SLC22A12: variants seen among roughly 807,000 people sequenced by gnomAD.
SLC22A12 encodes the protein organic anion transporter 4-like protein.
A neutral mutation model predicts 52.7 loss-of-function variants in SLC22A12; 56 were observed. That is an observed-to-expected ratio of 1.06 (90% CI 0.86 to 1.33). The LOEUF (loss-of-function observed/expected upper bound fraction) is 1.33, where lower values mean the gene tolerates loss of function less well. Ranked by LOEUF, SLC22A12 falls within the 40% of genes most tolerant of loss-of-function variation. The probability of loss-of-function intolerance (pLI) is 0.00; values close to 1 mark genes in which losing one functional copy is unlikely to be tolerated. For synonymous variants in SLC22A12, 337 were observed against 324.6 expected (o/e 1.04, Z -0.41); for missense variants, 683 against 741.5 (o/e 0.92, Z 0.92).
In SLC22A12 at chr11:64,591,890, G is replaced by T; in HGVS notation, c.334G>T (p.Asp112Tyr). 1 of 1,612,598 alleles carries T rather than the reference G, an allele frequency of 6.2e-7. No individual in the cohort carries two copies. The change falls in exon 1 of 10, where the codon GAC (aspartate) becomes TAC (tyrosine). Residue 112 changes from aspartate (D) to tyrosine (Y), a missense_variant. By Grantham distance (160) the Asp-to-Tyr change is radical. Coordinates refer to ENST00000377574, the MANE Select transcript of SLC22A12 (RefSeq NM_144585.4). ...CACGGCCACCAGCTGGAGCGAGGCCGACACGGAGCCGTGTGTGGATGGCTG... is the reference window on the plus strand; with the variant it reads ...CACGGCCACCAGCTGGAGCGAGGCCTACACGGAGCCGTGTGTGGATGGCTG... ...NATATSWSEADTEPCVDGWVY... is the reference protein window; with the variant it reads ...NATATSWSEAYTEPCVDGWVY...
chr11:64,600,980 G>A (rs1392546357), intron 9 of SLC22A12, 42 bp downstream of exon 9: 6 of 1,599,690 alleles, frequency 3.8e-6, no homozygotes, highest in Non-Finnish European at 5.1e-6. Context: ...CCTCCCACCA[G>A]AGAACCCTAG....
intron 4 of SLC22A12, among the ~76,000 whole-genome samples, chr11:64,594,853 GA>G (rs1335878388): frequency 6.7e-6 from 1 of 150,028 alleles, no homozygotes. Context: ...TGGACAGATG[GA>G]ATGGATGGAT....
chr11:64,596,284 A>T (rs1292397183), intron 4 of SLC22A12, among the ~76,000 whole-genome samples: 1 of 87,626 alleles, frequency 1.1e-5, no homozygotes, highest in Non-Finnish European at 2.5e-5. Context: ...GGATGGATGG[A>T]TGGATGGCTG....
rs1327320014 is a variant in SLC22A12 at position 64,592,894 on chromosome 11, C to A, written c.506+12C>A. On this transcript the variant is annotated intron_variant, in intron 2 of 9. Coordinates refer to ENST00000377574, the MANE Select transcript of SLC22A12 (RefSeq NM_144585.4). ...CCTGCCTCAGACAGGTGAGTACCCC[C>A]AGTCCAGGCAGGTCCCAGTTCCCCT... The A allele has an allele frequency of 1.2e-6, 2 of 1,608,816 alleles. No homozygotes were observed. The highest frequency in any genetic ancestry group is 1.7e-6 in the Non-Finnish European group (2 of 1,176,442).
In SLC22A12 at chr11:64,598,583, T is replaced by C. The variant is rs2039330742; in HGVS notation, c.898T>C (p.Trp300Arg). 6.2e-7 allele frequency: 1 copy of C among 1,608,636 alleles called. No individual in the cohort carries two copies. The highest frequency in any genetic ancestry group is 1.7e-5 in the Admixed American group (1 of 59,556). ...GRLDWGLQEL[W>R]RVAAINGKGA... ...GCTGGATTGGGGCCTGCAGGAGCTG[T>C]GGAGGGTGGCTGCCATCAACGGAAA... Residue 300 changes from tryptophan to arginine, a missense_variant, in exon 5 of 10, where the codon TGG becomes CGG. Trp to Arg is a moderately radical substitution (Grantham distance 101, BLOSUM62 -3). Coordinates refer to ENST00000377574, the MANE Select transcript of SLC22A12 (RefSeq NM_144585.4).
intron 4 of SLC22A12, among the ~76,000 whole-genome samples, chr11:64,595,597 G>C (rs1208711105): frequency 7.0e-6 from 1 of 142,682 alleles, no homozygotes; most frequent in Non-Finnish European, 1.5e-5. Flanking sequence ...AGGAGGGATG[G>C]ATGGATGGAT....
At chr11:64,597,487 C>T (rs76945158) in intron 4 of SLC22A12, among the ~76,000 whole-genome samples, 2,171 of 152,300 alleles carry the variant, frequency 0.014, 32 homozygotes, top group East Asian at 0.047. Flanking sequence ...CCTGAACTCA[C>T]CAGAGTCACA....
intron 4 of SLC22A12, 45 bp downstream of exon 4, chr11:64,593,848 A>G: frequency 6.3e-7 from 1 of 1,588,538 alleles, no homozygotes; most frequent in South Asian, 1.1e-5. Flanking sequence ...GATCCTGCCC[A>G]CTCTCCACCC....
intron 3 of SLC22A12, 28 bp downstream of exon 3, chr11:64,593,587 G>C (rs771943340): frequency 1.7e-5 from 28 of 1,614,014 alleles, no homozygotes; most frequent in Non-Finnish European, 2.2e-5. Context: ...CGCCATGCAG[G>C]GGGGCTCCAT....
chr11:64,599,653 G>T, intron 6 of SLC22A12, 23 bp from the exon 7 acceptor site: 1 of 661,112 alleles, frequency 1.5e-6, no homozygotes. Flanking sequence ...CCCCCACCCT[G>T]ACTTCCCTGA....
chr11:64,593,750 AC>A lies in SLC22A12; in HGVS notation c.778del (p.Leu260CysfsTer56). The A allele has an allele frequency of 6.2e-7, 1 of 1,613,026 alleles. No homozygotes were observed. The highest frequency in any genetic ancestry group is 8.5e-7 in the Non-Finnish European group (1 of 1,179,986). On this transcript the variant is annotated frameshift_variant, in exon 4 of 10. Coordinates refer to ENST00000377574, the MANE Select transcript of SLC22A12 (RefSeq NM_144585.4). LOFTEE classifies it high-confidence loss of function. The part of the protein sequence containing the change: ...AVAYGVRDWT[L>X]LQLVVSVPFF... ...TGGCCTACGGTGTGCGGGACTGGAC[AC>A]TGCTGCAGCTGGTGGTCTCGGTCCC...
chr11:64,596,267 G>GATGGATGGATGGATGGGATGGATGGA (rs2039228072), intron 4 of SLC22A12, among the ~76,000 whole-genome samples: 1 of 146,584 alleles, frequency 6.8e-6, no homozygotes, highest in Non-Finnish European at 1.5e-5. Context: ...TGGATGGATG[G>GATGGATGGATGGATGGGATGGATGGA]ATGGATGGAT....
chr11:64,593,552 C>T lies in SLC22A12; in HGVS notation c.654C>T (p.Gly218=). 4 of 1,614,196 alleles carry T rather than the reference C, an allele frequency of 2.5e-6. No individual in the cohort carries two copies. The highest frequency in any genetic ancestry group is 1.1e-5 in the South Asian group (1 of 91,090). ...FAVAGVMMNT[G]TLLMEWTAAR... ...TGGCAGGCGTCATGATGAACACGGGCACTCTCCGTAGGTCTCTGACCTGGC... is the reference window on the plus strand; with the variant it reads ...TGGCAGGCGTCATGATGAACACGGGTACTCTCCGTAGGTCTCTGACCTGGC... The change falls in exon 3 of 10, where the codon GGC becomes GGT. Residue 218 remains glycine, a synonymous_variant. Transcript: ENST00000377574.
At chr11:64,595,518 A>G (rs993596915) in intron 4 of SLC22A12, among the ~76,000 whole-genome samples, 4 of 92,944 alleles carry the variant, frequency 4.3e-5, no homozygotes, top group South Asian at 5.4e-4. Flanking sequence ...GGTTGGAATG[A>G]ATGGATGGAT....
chr11:64,600,146 G>A (rs746266465), intron 7 of SLC22A12, among the ~76,000 whole-genome samples: 1 of 152,216 alleles, frequency 6.6e-6, no homozygotes, highest in Non-Finnish European at 1.5e-5. Context: ...GAGGGAAACG[G>A]GGTCAAGAAG....
At chr11:64,592,072 A>ACT in intron 1 of SLC22A12, 114 bp downstream of exon 1, 1 of 1,481,700 alleles carries the variant, frequency 6.7e-7, no homozygotes, top group Non-Finnish European at 9.1e-7. Context: ...CCCAGGCCCC[A>ACT]CTCACTCTCG....
intron 6 of SLC22A12, 98 bp from the exon 7 acceptor site, chr11:64,599,578 A>AGCCC: frequency 3.9e-5 from 17 of 436,612 alleles, no homozygotes; most frequent in South Asian, 6.2e-5. Flanking sequence ...AGAGCAGCAC[A>AGCCC]CCCCCACCCT....
chr11:64,595,491 GGA>G (rs1262619992), intron 4 of SLC22A12, among the ~76,000 whole-genome samples: 4 of 141,120 alleles, frequency 2.8e-5, no homozygotes, highest in African/African-American at 1.1e-4. Context: ...ATGGATGGAT[GGA>G]ATGGATGGAT....
Position 64,599,673 on chromosome 11 carries a change from C to A in SLC22A12, c.1071-3C>A. The A allele has an allele frequency of 2.2e-6, 3 of 1,380,552 alleles. No homozygotes were observed. The highest frequency in any genetic ancestry group is 2.9e-6 in the Non-Finnish European group (3 of 1,033,004). The allele number at this position is 1,380,552 out of a possible 1,614,324, so 85.5% of individuals were successfully genotyped here. A position where few individuals can be genotyped will look rare whatever the true frequency, so the allele number is the denominator to read the frequency against. On this transcript the variant is annotated splice_polypyrimidine_tract_variant and splice_region_variant and intron_variant, in intron 6 of 9. Transcript: ENST00000377574. Reference sequence around the variant, plus strand: ...ACCCTGACTTCCCTGACCCCTGCCCCAGGTTCGCCTTTGGCTTCACCTTCT... The same window carrying A: ...ACCCTGACTTCCCTGACCCCTGCCCAAGGTTCGCCTTTGGCTTCACCTTCT...
Sources: gnomAD v4.1 joint callset for allele counts (sites outside exome capture counted in the v4.1 genomes callset) on GRCh38, gnomAD v4.1.1 for gene constraint, MANE v1.5 for transcripts, NCBI Gene and HGNC (gene_info 2026-07-23, HGNC 2026-07-21) for gene names.